The following EHMT1 variants were observed in gnomAD, a reference collection of about 807,000 sequenced individuals.
EHMT1 encodes histone-lysine N-methyltransferase EHMT1.
A neutral mutation model predicts 147.2 loss-of-function variants in EHMT1; 15 were observed. That is an observed-to-expected ratio of 0.10 (90% confidence interval 0.07 to 0.16). EHMT1 has a LOEUF of 0.16. Among genes scored for constraint, EHMT1 ranks in the 10% least tolerant of loss-of-function variants. EHMT1 has a pLI of 1.00. For missense variants in EHMT1, 1,587 were observed against 1,772.4 expected (o/e 0.90, Z 1.88); for synonymous variants, 795 against 709.6 (o/e 1.12, Z -1.91).
intron 1 of EHMT1, among the ~76,000 whole-genome samples, chr9:137,635,352 A>G (rs1455213078): frequency 1.4e-5 from 2 of 146,364 alleles, no homozygotes; most frequent in East Asian, 2.1e-4. Context: ...GATTACAGGC[A>G]CCCATCGCCA....
chr9:137,762,548 G>C (rs1949909382), intron 9 of EHMT1, 127 bp from the exon 10 acceptor site: 7 of 1,510,516 alleles, frequency 4.6e-6, no homozygotes, highest in Non-Finnish European at 4.5e-6. Context: ...GTTTGTGCTG[G>C]GTAATCAACC....
intron 26 of EHMT1, 47 bp downstream of exon 26, chr9:137,834,571 GT>G (rs1463326803): frequency 1.2e-6 from 2 of 1,606,554 alleles, no homozygotes; most frequent in Non-Finnish European, 1.7e-6. Flanking sequence ...CGGCGGGACG[GT>G]TTTAGGAACG....
chr9:137,744,020 C>A lies in EHMT1; in HGVS notation c.1100C>A (p.Ala367Glu). Residue 367 changes from alanine to glutamate, a missense_variant, in exon 6 of 27, where the codon GCG (alanine) becomes GAG (glutamate). Ala to Glu is a moderately radical substitution (Grantham distance 107). Transcript: ENST00000460843. ...GACGACGGCCATGGTGCAGAGCAGG[C>A]GGCCGCGTTCCCCACAGAGGACAGC... ...EEDDGHGAEQ[A>E]AAFPTEDSRT... The A allele has an allele frequency of 6.2e-7, 1 of 1,614,084 alleles. No homozygotes were observed.
At chr9:137,756,470 G>A (rs1451502890) in intron 8 of EHMT1, among the ~76,000 whole-genome samples, 1 of 152,186 alleles carries the variant, frequency 6.6e-6, no homozygotes, top group African/African-American at 2.4e-5. Flanking sequence ...TGTTGGGGAG[G>A]CGTCATCCCC....
intron 23 of EHMT1, chr9:137,816,998 T>TCGAC: frequency 4.4e-6 from 1 of 228,126 alleles, no homozygotes; most frequent in Non-Finnish European, 8.7e-6. Flanking sequence ...TGAGAAACCC[T>TCGAC]CGACCGCCAC....
At chr9:137,810,462 T>G (rs1446397146) in intron 18 of EHMT1, among the ~76,000 whole-genome samples, 1 of 152,248 alleles carries the variant, frequency 6.6e-6, no homozygotes, top group Non-Finnish European at 1.5e-5. Flanking sequence ...TAGGGATACT[T>G]CATTGTTCTG....
At chr9:137,784,367 C>T (rs537131837) in intron 15 of EHMT1, 109 of 1,266,034 alleles carry the variant, frequency 8.6e-5, no homozygotes, top group African/African-American at 1.2e-4. Context: ...CCCCCAGCCC[C>T]GGTAAATAAA....
At chr9:137,684,078 A>C (rs919540718) in intron 1 of EHMT1, among the ~76,000 whole-genome samples, 1 of 152,042 alleles carries the variant, frequency 6.6e-6, no homozygotes, top group African/African-American at 2.4e-5. Flanking sequence ...TCTGTCACCC[A>C]GGCTGGAGTG....
At chr9:137,834,100 A>G (rs1588945776) in intron 25 of EHMT1, 2 of 585,010 alleles carry the variant, frequency 3.4e-6, no homozygotes, top group East Asian at 5.8e-5. Flanking sequence ...AACGGCCCGC[A>G]CCACCCCCAC....
At chr9:137,735,062 C>T (rs1478708003) in intron 4 of EHMT1, among the ~76,000 whole-genome samples, 3 of 152,234 alleles carry the variant, frequency 2.0e-5, no homozygotes, top group Non-Finnish European at 4.4e-5. Context: ...TGTACCTCCA[C>T]TTTTTGTTTT....
chr9:137,696,091 GT>G (rs11307848), intron 1 of EHMT1, among the ~76,000 whole-genome samples: 149,620 of 152,206 alleles, frequency 0.98, 73,545 homozygotes, highest in East Asian at 1. Flanking sequence ...GATATTAATT[GT>G]TTTTTTCCAA....
At chr9:137,814,625 G>A (rs1206404332) in intron 22 of EHMT1, 117 bp downstream of exon 22, 12 of 1,216,596 alleles carry the variant, frequency 9.9e-6, no homozygotes, top group Middle Eastern at 2.3e-4. Context: ...GGAAGGAGTT[G>A]GAGGTGAGCT....
chr9:137,686,447 T>G lies in EHMT1; in HGVS notation c.22-24520T>G, dbSNP rs1942441570. ...CTCAGTCACCTAGGCTGGAGTGCAG[T>G]GGTGCAATCACAGCTCACTCTAGCC... On this transcript the variant is annotated intron_variant, in intron 1 of 26. Transcript: ENST00000460843. 3.9e-5 allele frequency among the ~76,000 whole-genome samples: 6 copies of G among 152,256 alleles called. No homozygotes were observed. The South Asian group carries it at 1.2e-3, about 32-fold the overall frequency.
intron 1 of EHMT1, among the ~76,000 whole-genome samples, chr9:137,701,373 C>T (rs1943811884): frequency 6.6e-6 from 1 of 150,462 alleles, no homozygotes; most frequent in African/African-American, 2.4e-5. Flanking sequence ...AACCTCTGTC[C>T]CCCAGGCTCT....
At chr9:137,664,206 T>C (rs1939385183) in intron 1 of EHMT1, among the ~76,000 whole-genome samples, 1 of 151,852 alleles carries the variant, frequency 6.6e-6, no homozygotes, top group South Asian at 2.1e-4. Flanking sequence ...AGCCTGGTGG[T>C]GTGTGTTTTT....
At chr9:137,663,232 G>A (rs1287374079) in intron 1 of EHMT1, among the ~76,000 whole-genome samples, 10 of 152,096 alleles carry the variant, frequency 6.6e-5, no homozygotes, top group Admixed American at 5.9e-4. Context: ...CTGTTAATTT[G>A]GGGACTTTCT....
At chr9:137,679,020 C>G (rs986406784) in intron 1 of EHMT1, among the ~76,000 whole-genome samples, 2 of 152,128 alleles carry the variant, frequency 1.3e-5, no homozygotes, top group African/African-American at 4.8e-5. Context: ...ATGGCGCGAT[C>G]TCCGCTCACT....
intron 18 of EHMT1, chr9:137,802,376 C>T: frequency 2.5e-6 from 1 of 398,734 alleles, no homozygotes; most frequent in Non-Finnish European, 4.4e-6. Flanking sequence ...ATGGGAGGTG[C>T]TGTAGCCCAC....
intron 1 of EHMT1, among the ~76,000 whole-genome samples, chr9:137,669,000 C>T (rs1031997928): frequency 6.6e-6 from 1 of 152,150 alleles, no homozygotes; most frequent in South Asian, 2.1e-4. Context: ...CATTCTTGTG[C>T]CTCAGCCTCC....
Sources: allele counts gnomAD v4.1 joint callset (sites outside exome capture counted in the v4.1 genomes callset), GRCh38; gene constraint gnomAD v4.1.1; transcripts MANE v1.5; gene names NCBI Gene and HGNC (gene_info 2026-07-23, HGNC 2026-07-21).